The following BABAM2 variants were observed in gnomAD, a reference collection of about 807,000 sequenced individuals.
The protein encoded by BABAM2 is BRISC and BRCA1-A complex member 2.
In BABAM2, 31 loss-of-function variants were observed where a neutral mutation model predicts 54.7. That is an observed-to-expected ratio of 0.57 (90% confidence interval 0.43 to 0.77). BABAM2 has a LOEUF of 0.77. Among genes scored for constraint, BABAM2 ranks in the 30% least tolerant of loss-of-function variants. The pLI is 0.00. For missense variants in BABAM2, 364 were observed against 455.8 expected, an observed-to-expected ratio of 0.80 and a Z score of 1.83; for synonymous variants, 167 against 162.9, an observed-to-expected ratio of 1.03 and a Z score of -0.19.
intron 7 of BABAM2, among the ~76,000 whole-genome samples, chr2:28,199,253 G>A (rs949574617): frequency 1.2e-4 from 18 of 152,214 alleles, no homozygotes; most frequent in Non-Finnish European, 1.8e-4. Context: ...CATCTTAGCC[G>A]ACACACATCC....
chr2:27,999,478 A>G (rs1673417808), intron 4 of BABAM2, among the ~76,000 whole-genome samples: 1 of 152,200 alleles, frequency 6.6e-6, no homozygotes, highest in Admixed American at 6.5e-5. Flanking sequence ...ATAGTAGAAA[A>G]TACGGTTACA....
At chr2:27,946,264 T>G (rs1669291603) in intron 3 of BABAM2, among the ~76,000 whole-genome samples, 1 of 152,238 alleles carries the variant, frequency 6.6e-6, no homozygotes, top group African/African-American at 2.4e-5. Context: ...CTCTGTCTAC[T>G]TGGTTTATTT....
At chr2:27,912,146 T>G (rs865849405) in intron 2 of BABAM2, among the ~76,000 whole-genome samples, 1 of 152,190 alleles carries the variant, frequency 6.6e-6, no homozygotes. Context: ...GGAAAGGGAA[T>G]ACAATTTCAT....
intron 2 of BABAM2, among the ~76,000 whole-genome samples, chr2:27,925,337 C>T (rs907067589): frequency 6.6e-6 from 1 of 152,202 alleles, no homozygotes; most frequent in Admixed American, 6.5e-5. Context: ...TTTCCCTAAA[C>T]ATGCTCCTTT....
intron 10 of BABAM2, among the ~76,000 whole-genome samples, chr2:28,247,379 G>A (rs559668616): frequency 6.6e-6 from 1 of 152,282 alleles, no homozygotes; most frequent in South Asian, 2.1e-4. Flanking sequence ...ACCTCGGAGT[G>A]AAGCTTGGTT....
At chr2:28,194,208 G>A (rs754624327) in intron 7 of BABAM2, among the ~76,000 whole-genome samples, 15 of 152,120 alleles carry the variant, frequency 9.9e-5, no homozygotes, top group African/African-American at 1.9e-4. Flanking sequence ...TGGTGTTGGG[G>A]CCTTGTAAGC....
rs2148351295 is a variant in BABAM2 at position 28,338,724 on chromosome 2, A to G, written c.*211A>G. On this transcript the variant is annotated 3_prime_UTR_variant, in exon 12 of 12. Transcript: ENST00000379624. ...ATCCTAGAGCCCTTCACTTCGGGTT[A>G]CTCCCTCTTTCTTGCCTCTATTTCT... 1.9e-6 allele frequency: 1 copy of G among 530,752 alleles called. No individual in the cohort carries two copies. Among genetic ancestry groups the G allele is most frequent in the Non-Finnish European group, 3.4e-6 (1 of 297,818 alleles). The allele number at this position is 530,752 out of a possible 1,614,324, so 32.9% of individuals were successfully genotyped here.
intron 4 of BABAM2, among the ~76,000 whole-genome samples, chr2:28,001,548 T>G (rs1427368023): frequency 6.6e-6 from 1 of 152,078 alleles, no homozygotes; most frequent in Non-Finnish European, 1.5e-5. Context: ...GAAAAGAAAG[T>G]GTGTTCTTGT....
At chr2:28,337,329 A>G (rs2148348082) in intron 11 of BABAM2, among the ~76,000 whole-genome samples, 1 of 152,110 alleles carries the variant, frequency 6.6e-6, no homozygotes, top group Non-Finnish European at 1.5e-5. Context: ...TCCCTGCTGC[A>G]TGGACTGTGG....
intron 4 of BABAM2, among the ~76,000 whole-genome samples, chr2:28,022,415 A>C (rs866127327): frequency 6.6e-6 from 1 of 152,240 alleles, no homozygotes; most frequent in African/African-American, 2.4e-5. Flanking sequence ...CTAGTTAACT[A>C]GTCTTTAAAA....
intron 11 of BABAM2, among the ~76,000 whole-genome samples, chr2:28,337,733 C>T (rs10193761): frequency 0.85 from 129,144 of 152,216 alleles, 55,498 homozygotes; most frequent in East Asian, 0.96. Context: ...GCCTATAATC[C>T]CAGCACTTTG....
chr2:28,000,791 TG>T (rs1195810191), intron 4 of BABAM2, among the ~76,000 whole-genome samples: 1 of 152,230 alleles, frequency 6.6e-6, no homozygotes, highest in Non-Finnish European at 1.5e-5. Flanking sequence ...TTATTTATTT[TG>T]TTCTTCAAAT....
Position 28,320,053 on chromosome 2 carries a change from A to T in BABAM2, c.1089-18397A>T, listed in dbSNP as rs188614871. ...GTGGGTGCTGCAGTGTTGTGGTCAG[A>T]TCCGATTTCCACCACTCAATTCATG... is the stretch of plus-strand genomic sequence containing the variant. On this transcript the variant is annotated intron_variant, in intron 11 of 11. Coordinates refer to ENST00000379624, the MANE Select transcript of BABAM2 (RefSeq NM_199191.3). 4.2e-3 allele frequency among the ~76,000 whole-genome samples: 644 copies of T among 152,224 alleles called. 2 individuals carry two copies. The highest frequency in any genetic ancestry group is 7.3e-3 in the Non-Finnish European group (497 of 68,010).
Position 28,040,294 on chromosome 2 carries a change from C to CTTTTTTTTTTTTTTTT in BABAM2, c.496-5422_496-5407dup, listed in dbSNP as rs397735161. On this transcript the variant is annotated intron_variant, in intron 5 of 11. Transcript: ENST00000379624. ...CAGTGCCAGAATGAAAAACTGAATT[C>CTTTTTTTTTTTTTTTT]TTTTTTTTTTTTTTTTTTTTTTTTG... Among the ~76,000 whole-genome samples the CTTTTTTTTTTTTTTTT allele has an allele frequency of 8.5e-3, 508 of 59,500 alleles. 107 individuals are homozygous for CTTTTTTTTTTTTTTTT. The highest frequency in any genetic ancestry group is 0.026 in the Middle Eastern group (2 of 78). 39.0% of individuals were successfully genotyped at this position (59,500 alleles called of 152,430 possible).
chr2:28,040,462 G>A (rs984440852), intron 5 of BABAM2, among the ~76,000 whole-genome samples: 23 of 151,050 alleles, frequency 1.5e-4, no homozygotes, highest in Non-Finnish European at 3.1e-4. Flanking sequence ...CACTACGCCC[G>A]GCTAATTTTT....
intron 6 of BABAM2, among the ~76,000 whole-genome samples, chr2:28,112,012 A>G (rs1420137722): frequency 1.3e-5 from 2 of 152,150 alleles, no homozygotes; most frequent in East Asian, 1.9e-4. Flanking sequence ...AGTCTGGGAA[A>G]GCCAGAGCCT....
At chr2:28,200,394 A>G (rs906203636) in intron 7 of BABAM2, among the ~76,000 whole-genome samples, 4 of 152,238 alleles carry the variant, frequency 2.6e-5, no homozygotes, top group South Asian at 2.1e-4. Flanking sequence ...ATATAATGTC[A>G]TCTATAAATA....
chr2:28,255,152 T>C (rs1018947558), intron 10 of BABAM2, among the ~76,000 whole-genome samples: 29 of 152,148 alleles, frequency 1.9e-4, no homozygotes, highest in African/African-American at 6.8e-4. Flanking sequence ...AAACGTGGGT[T>C]TTTTTTAGCA....
chr2:28,209,571 A>G (rs146571250), intron 7 of BABAM2, among the ~76,000 whole-genome samples: 143 of 152,302 alleles, frequency 9.4e-4, no homozygotes, highest in African/African-American at 3.1e-3. Context: ...AGATCAGTAG[A>G]CTGTGACGTA....
Sources: allele counts gnomAD v4.1 joint callset (sites outside exome capture counted in the v4.1 genomes callset), GRCh38; gene constraint gnomAD v4.1.1; transcripts MANE v1.5; gene names NCBI Gene and HGNC (gene_info 2026-07-23, HGNC 2026-07-21).